The following ZMYND8 variants were observed in gnomAD, a reference collection of about 807,000 sequenced individuals.
ZMYND8 encodes MYND-type zinc finger-containing chromatin reader ZMYND8.
ZMYND8 carries 37 observed loss-of-function variants against 140.8 expected under a neutral mutation model. The observed-to-expected ratio is 0.26, with a 90% CI of 0.20 to 0.35. The LOEUF (loss-of-function observed/expected upper bound fraction) is 0.35. Among genes scored for constraint, ZMYND8 ranks in the 10% least tolerant of loss-of-function variants. ZMYND8 has a pLI of 1.00. For synonymous variants in ZMYND8, 592 were observed against 597.1 expected, an observed-to-expected ratio of 0.99 and a Z score of 0.12; for missense variants, 1,068 against 1,570.0, an observed-to-expected ratio of 0.68 and a Z score of 5.40.
At chr20:47,329,676 T>C (rs544330217) in intron 2 of ZMYND8, among the ~76,000 whole-genome samples, 21 of 152,306 alleles carry the variant, frequency 1.4e-4, no homozygotes, top group African/African-American at 5.1e-4. Flanking sequence ...AGTGCTGGGA[T>C]TACAGGCGTG....
chr20:47,209,246 G>A lies in ZMYND8; in HGVS notation c.*1515C>T, dbSNP rs1238766596. ...TCCAAAACAGTTTAATTAAAAAAAG[G>A]TAAAGAAATCTGAAAAAACTGGGGG... is the stretch of plus-strand genomic sequence containing the variant. On this transcript the variant is annotated 3_prime_UTR_variant, in exon 23 of 23. Transcript: ENST00000471951. The A allele has an allele frequency of 6.6e-6, 1 of 151,100 alleles. No individual in the cohort carries two copies. Among genetic ancestry groups the A allele is most frequent in the Non-Finnish European group, 1.5e-5 (1 of 67,842 alleles). 9.4% of individuals were successfully genotyped at this position (151,100 alleles called of 1,614,324 possible). A position where few individuals can be genotyped will look rare whatever the true frequency, so the allele number is the denominator to read the frequency against.
intron 17 of ZMYND8, among the ~76,000 whole-genome samples, chr20:47,229,275 G>A (rs966663892): frequency 2.0e-5 from 3 of 151,848 alleles, no homozygotes; most frequent in Non-Finnish European, 2.9e-5. Flanking sequence ...AAAGCGCTGC[G>A]ATTACAGCCA....
intron 11 of ZMYND8, among the ~76,000 whole-genome samples, chr20:47,275,761 C>T (rs960587324): frequency 6.6e-6 from 1 of 151,982 alleles, no homozygotes; most frequent in Non-Finnish European, 1.5e-5. Flanking sequence ...ACACACGCCA[C>T]CACGACCAGC....
chr20:47,253,340 C>A (rs1205827701), intron 12 of ZMYND8, among the ~76,000 whole-genome samples: 1 of 152,046 alleles, frequency 6.6e-6, no homozygotes, highest in Non-Finnish European at 1.5e-5. Context: ...AGTTCAAGAC[C>A]AACCTGACCA....
At chr20:47,231,802 T>C (rs1289462645) in intron 16 of ZMYND8, among the ~76,000 whole-genome samples, 1 of 152,276 alleles carries the variant, frequency 6.6e-6, no homozygotes, top group Non-Finnish European at 1.5e-5. Context: ...TAAATGGCTT[T>C]ACAAGAAAAC....
chr20:47,284,972 C>T (rs572323692), intron 8 of ZMYND8, among the ~76,000 whole-genome samples: 1 of 152,282 alleles, frequency 6.6e-6, no homozygotes, highest in African/African-American at 2.4e-5. Flanking sequence ...TAAAGTGCTT[C>T]AAGTGACAGA....
intron 1 of ZMYND8, chr20:47,349,951 C>T (rs924382435): frequency 6.5e-7 from 1 of 1,535,132 alleles, no homozygotes; most frequent in Non-Finnish European, 8.7e-7. Context: ...TGGCTTGTAA[C>T]AGCCTAGAGG....
chr20:47,355,093 G>A (rs573817260), intron 1 of ZMYND8, among the ~76,000 whole-genome samples: 8 of 152,038 alleles, frequency 5.3e-5, no homozygotes, highest in Non-Finnish European at 1.2e-4. Flanking sequence ...TTAGGGCTCT[G>A]CACCTCTAAG....
In ZMYND8 at chr20:47,246,024, T is replaced by C. The variant is rs765827368; in HGVS notation, c.2268A>G (p.Pro756=). ...ATCACTTACCATCCTGTTTGGGAGA[T>C]GGTTCTTTGGGTTCCTTCTTATTTT... The part of the protein sequence containing the change: ...GRKNKKEPKE[P]SPKQDVVGKT... The change falls in exon 14 of 23, where the codon CCA becomes CCG. Residue 756 remains proline, a synonymous_variant. Transcript: ENST00000471951. The C allele has an allele frequency of 3.1e-6, 5 of 1,599,300 alleles. No homozygotes were observed. In the South Asian group the frequency reaches 5.7e-5, roughly 18 times the overall value.
intron 2 of ZMYND8, among the ~76,000 whole-genome samples, chr20:47,345,131 T>G (rs1436759360): frequency 6.6e-6 from 1 of 152,096 alleles, no homozygotes; most frequent in African/African-American, 2.4e-5. Flanking sequence ...GCCAGGACAG[T>G]GCAGTGAGAC....
Position 47,291,819 on chromosome 20 carries a change from T to C in ZMYND8, c.637A>G (p.Met213Val), listed in dbSNP as rs1449836051. The change falls in exon 6 of 23, where the codon ATG (methionine) becomes GTG (valine). Residue 213 changes from methionine to valine, a missense_variant. Physicochemically the swap from Met to Val is conservative, Grantham distance 21. Coordinates refer to ENST00000471951, the MANE Select transcript of ZMYND8 (RefSeq NM_001281775.3). ...ACCTTTTCCAATGTACAAAGGTCCA[T>C]TGGATGGAAGATGTATTCCGCATAG... is the stretch of plus-strand genomic sequence containing the variant. ...PDYAEYIFHP[M>V]DLCTLEKNAK... 1.9e-6 allele frequency: 3 copies of C among 1,613,050 alleles called. No homozygotes were observed. Among genetic ancestry groups the C allele is most frequent in the Non-Finnish European group, 2.5e-6 (3 of 1,179,570 alleles).
At chr20:47,313,169 A>G (rs2079074757) in intron 2 of ZMYND8, among the ~76,000 whole-genome samples, 1 of 150,586 alleles carries the variant, frequency 6.6e-6, no homozygotes, top group Non-Finnish European at 1.5e-5. Flanking sequence ...GTTTGAGGGT[A>G]TTGTGAACTA....
At chr20:47,230,494 A>G (rs1046761510) in intron 16 of ZMYND8, among the ~76,000 whole-genome samples, 1 of 151,862 alleles carries the variant, frequency 6.6e-6, no homozygotes, top group African/African-American at 2.4e-5. Flanking sequence ...GGGTTTCACC[A>G]TGTTGGTCAG....
intron 11 of ZMYND8, among the ~76,000 whole-genome samples, chr20:47,266,805 A>G (rs1406736238): frequency 6.6e-6 from 1 of 152,144 alleles, no homozygotes; most frequent in Non-Finnish European, 1.5e-5. Context: ...CCTTTTATGT[A>G]CAAAGCACTC....
chr20:47,252,874 A>C (rs1020031216), intron 12 of ZMYND8, among the ~76,000 whole-genome samples: 8 of 152,202 alleles, frequency 5.3e-5, no homozygotes, highest in Non-Finnish European at 1.0e-4. Flanking sequence ...AGCCGAGATC[A>C]GGCCACTGCA....
At chr20:47,233,591 G>A (rs1201325692) in intron 16 of ZMYND8, among the ~76,000 whole-genome samples, 1 of 152,146 alleles carries the variant, frequency 6.6e-6, no homozygotes, top group Non-Finnish European at 1.5e-5. Context: ...AGGCTTGTTT[G>A]AAATGCACAA....
In ZMYND8 at chr20:47,304,451, G is replaced by A. The variant is rs989945258; in HGVS notation, c.235-5504C>T. Among the ~76,000 whole-genome samples, 18 of 152,218 alleles carry A rather than the reference G, an allele frequency of 1.2e-4. 1 individual carries two copies. Among genetic ancestry groups the A allele is most frequent in the African/African-American group, 4.3e-4 (18 of 41,460 alleles). The stretch of plus-strand genomic sequence containing the variant: ...CATAAATGAATGACTGTAGCTGTGT[G>A]CCAATAAAACTCTATAAACACAGGC... On this transcript the variant is annotated intron_variant, in intron 3 of 22. Coordinates refer to ENST00000471951, the MANE Select transcript of ZMYND8 (RefSeq NM_001281775.3).
chr20:47,335,144 G>C (rs2081292129), intron 2 of ZMYND8, among the ~76,000 whole-genome samples: 2 of 152,018 alleles, frequency 1.3e-5, no homozygotes, highest in Non-Finnish European at 2.9e-5. Context: ...CTACTCGGGA[G>C]GCTGCAGTGG....
At chr20:47,343,501 C>T (rs897877712) in intron 2 of ZMYND8, among the ~76,000 whole-genome samples, 4 of 152,072 alleles carry the variant, frequency 2.6e-5, no homozygotes, top group African/African-American at 4.8e-5. Flanking sequence ...GACTAATACC[C>T]CATACAGAAG....
Sources: allele counts gnomAD v4.1 joint callset (sites outside exome capture counted in the v4.1 genomes callset), GRCh38; gene constraint gnomAD v4.1.1; transcripts MANE v1.5; gene names NCBI Gene and HGNC (gene_info 2026-07-23, HGNC 2026-07-21).